The following EML1 variants were observed in gnomAD, a reference collection of about 807,000 sequenced individuals.
The protein encoded by EML1 is EMAP like 1.
Under a neutral mutation model 110.4 loss-of-function variants are expected in EML1, and 27 were observed. The observed-to-expected ratio is 0.24, with a 90% confidence interval of 0.18 to 0.34. The LOEUF is 0.34. EML1 is among the 10% of genes least tolerant of loss of function. The pLI is 1.00. For synonymous variants in EML1, 344 were observed against 385.8 expected (o/e 0.89, Z 1.27); for missense variants, 741 against 1,030.9 (o/e 0.72, Z 3.85).
At chr14:99,786,842 G>C (rs2057605885) in intron 1 of EML1, among the ~76,000 whole-genome samples, 1 of 152,308 alleles carries the variant, frequency 6.6e-6, no homozygotes, top group East Asian at 1.9e-4. Context: ...AGTTAACCCT[G>C]GAGTAATGAA....
At chr14:99,926,367 C>G (rs562881379) in intron 17 of EML1, among the ~76,000 whole-genome samples, 1 of 150,326 alleles carries the variant, frequency 6.7e-6, no homozygotes, top group African/African-American at 2.5e-5. Context: ...TCACTGTAAC[C>G]TCTGCCTCCC....
intron 1 of EML1, among the ~76,000 whole-genome samples, chr14:99,822,818 A>G (rs1417321605): frequency 6.6e-6 from 1 of 152,196 alleles, no homozygotes; most frequent in Non-Finnish European, 1.5e-5. Context: ...AGCCAAAGCC[A>G]CACTCCTCCT....
intron 1 of EML1, among the ~76,000 whole-genome samples, chr14:99,760,166 A>G (rs926163594): frequency 6.6e-6 from 1 of 151,440 alleles, no homozygotes; most frequent in Non-Finnish European, 1.5e-5. Flanking sequence ...CCCCAAACTT[A>G]CAAATGTGCA....
In EML1 at chr14:99,940,743, A is replaced by T. The variant is rs1455062650; in HGVS notation, c.*631A>T. On this transcript the variant is annotated 3_prime_UTR_variant, in exon 22 of 22. Transcript: ENST00000262233. ...TCCTAACTGACTTCAATATTTCAGC[A>T]GGGTACACAGGCGTTTCCAAGTTTC... 6.6e-6 allele frequency: 1 copy of T among 152,208 alleles called. No homozygotes were observed. Among genetic ancestry groups the T allele is most frequent in the African/African-American group, 2.4e-5 (1 of 41,462 alleles). The allele number at this position is 152,208 out of a possible 1,614,324, so 9.4% of individuals were successfully genotyped here.
intron 15 of EML1, among the ~76,000 whole-genome samples, chr14:99,916,566 A>G (rs2060037594): frequency 6.6e-6 from 1 of 152,100 alleles, no homozygotes; most frequent in Non-Finnish European, 1.5e-5. Flanking sequence ...ATGTTCAATC[A>G]TGTCACTCTT....
At chr14:99,910,198 G>T (rs775718171) in intron 11 of EML1, 44 bp from the exon 12 acceptor site, 24 of 1,323,100 alleles carry the variant, frequency 1.8e-5, no homozygotes, top group Non-Finnish European at 2.0e-5. Flanking sequence ...TATATATGTT[G>T]TATGGATTAA....
chr14:99,750,964 C>T (rs2057168189), intron 1 of EML1, among the ~76,000 whole-genome samples: 1 of 152,110 alleles, frequency 6.6e-6, no homozygotes, highest in African/African-American at 2.4e-5. Flanking sequence ...CCTTCCACCT[C>T]CAGGCCTCGG....
chr14:99,850,706 T>C, intron 1 of EML1, 147 bp from the exon 2 acceptor site: 2 of 775,310 alleles, frequency 2.6e-6, no homozygotes. Flanking sequence ...AGATTTCATG[T>C]GATTTCTGCT....
chr14:99,940,121 G>A lies in EML1; in HGVS notation c.*9G>A, dbSNP rs762511225. 28 of 1,553,326 alleles carry A rather than the reference G, an allele frequency of 1.8e-5. No homozygotes were observed. The South Asian group carries it at 2.3e-4, about 13-fold the overall frequency. On this transcript the variant is annotated 3_prime_UTR_variant, in exon 22 of 22. Transcript: ENST00000262233. Reference sequence around the variant, plus strand: ...AGTGGCGCGTCATTTAGTACCCACCGAGAGCTGTGGGGAGCAGCATGGGCA... The same window carrying A: ...AGTGGCGCGTCATTTAGTACCCACCAAGAGCTGTGGGGAGCAGCATGGGCA...
intron 3 of EML1, among the ~76,000 whole-genome samples, chr14:99,869,473 T>C (rs1388497821): frequency 1.3e-5 from 2 of 152,154 alleles, no homozygotes; most frequent in African/African-American, 4.8e-5. Context: ...CCCTTTTCCC[T>C]GAGACACAAC....
chr14:99,898,331 A>G (rs1378244993), intron 8 of EML1, 29 bp downstream of exon 8: 4 of 1,598,804 alleles, frequency 2.5e-6, no homozygotes, highest in Non-Finnish European at 3.4e-6. Flanking sequence ...TCATTGTTTC[A>G]TAATGAACTG....
intron 1 of EML1, among the ~76,000 whole-genome samples, chr14:99,820,304 T>A (rs1039925548): frequency 6.6e-6 from 1 of 152,252 alleles, no homozygotes; most frequent in Non-Finnish European, 1.5e-5. Context: ...GGCACGTTGC[T>A]CTCACTTGTA....
chr14:99,896,163 A>AT (rs1459880314), intron 6 of EML1, among the ~76,000 whole-genome samples: 1 of 152,188 alleles, frequency 6.6e-6, no homozygotes, highest in Admixed American at 6.5e-5. Flanking sequence ...TTTAAGGGAA[A>AT]AAAAAAATTT....
chr14:99,849,852 A>G (rs1189932539), intron 1 of EML1, among the ~76,000 whole-genome samples: 1 of 150,516 alleles, frequency 6.6e-6, no homozygotes, highest in African/African-American at 2.4e-5. Context: ...CTGGCCTGTA[A>G]TTGTGTATTT....
upstream of EML1, among the ~76,000 whole-genome samples, chr14:99,769,357 G>A (rs562201376): frequency 1.6e-4 from 25 of 152,296 alleles, no homozygotes; most frequent in African/African-American, 5.3e-4. Flanking sequence ...GGCCCTCACC[G>A]TGGGCACCAG....
intron 1 of EML1, among the ~76,000 whole-genome samples, chr14:99,793,801 C>A (rs930766254): frequency 3.4e-5 from 5 of 149,034 alleles, no homozygotes; most frequent in African/African-American, 1.2e-4. Context: ...CGGACCCCGC[C>A]GGCTCCAGCA....
rs183712658 is a variant in EML1, at chr14:99,747,368, A to G, written c.28+9508A>G. Among the ~76,000 whole-genome samples the G allele has an allele frequency of 6.2e-3, 950 of 152,154 alleles. 12 individuals carry two copies. The highest frequency in any genetic ancestry group is 0.022 in the African/African-American group (903 of 41,506). ...GAGAAAGGCAGGCCCGGGGTGGCAC[A>G]GATCGGCTCCAGATGTACAGGGCAC... On this transcript the variant is annotated intron_variant, in intron 1 of 10. Coordinates refer to the EML1 transcript ENST00000554479.
intron 1 of EML1, among the ~76,000 whole-genome samples, chr14:99,801,361 A>G (rs1484678259): frequency 1.3e-5 from 2 of 152,164 alleles, no homozygotes; most frequent in African/African-American, 4.8e-5. Context: ...CATGCCTGTA[A>G]TCCCAGCACT....
chr14:99,816,943 G>A (rs188123735), intron 1 of EML1, among the ~76,000 whole-genome samples: 28 of 152,298 alleles, frequency 1.8e-4, no homozygotes, highest in Admixed American at 9.8e-4. Context: ...TTGATTCTCT[G>A]AGTTATGCAG....
Sources: gnomAD v4.1 joint callset for allele counts (sites outside exome capture counted in the v4.1 genomes callset) on GRCh38, gnomAD v4.1.1 for gene constraint, MANE v1.5 for transcripts, NCBI Gene and HGNC (gene_info 2026-07-23, HGNC 2026-07-21) for gene names.